SMUG1: variants seen among roughly 807,000 people sequenced by gnomAD.
SMUG1 encodes the protein single-strand selective monofunctional uracil DNA glycosylase.
SMUG1 carries 13 observed loss-of-function variants against 23.9 expected under a neutral mutation model. That is an observed-to-expected ratio of 0.54 (90% confidence interval 0.35 to 0.86). The LOEUF (loss-of-function observed/expected upper bound fraction) is 0.86, where lower values mean the gene tolerates loss of function less well. Ranked by LOEUF, SMUG1 falls within the 40% of genes least tolerant of loss-of-function variation. The pLI, the probability that SMUG1 is intolerant of heterozygous loss-of-function variation, is 0.01. For missense variants in SMUG1, 313 were observed against 339.5 expected (o/e 0.92, Z 0.61); for synonymous variants, 133 against 139.8 (o/e 0.95, Z 0.34).
intron 4 of SMUG1, among the ~76,000 whole-genome samples, chr12:54,158,971 T>C (rs1209567360): frequency 6.6e-6 from 1 of 152,174 alleles, no homozygotes; most frequent in East Asian, 1.9e-4. Context: ...GAAAGGTCAT[T>C]CATTTAATAT....
At chr12:54,170,889 A>T (rs117075628) in intron 3 of SMUG1, among the ~76,000 whole-genome samples, 3,036 of 148,438 alleles carry the variant, frequency 0.02, 50 homozygotes, top group Middle Eastern at 0.039. Flanking sequence ...GAGCCACTGC[A>T]CCTGGCCCCT....
At chr12:54,163,628 G>A (rs1488918148), downstream of SMUG1, among the ~76,000 whole-genome samples, 5 of 152,156 alleles carry the variant, frequency 3.3e-5, no homozygotes. Flanking sequence ...GTCTCACTGG[G>A]AGAGAAAGTG....
rs367747341 is a variant in SMUG1 at position 54,182,216 on chromosome 12, C to G, written c.693G>C (p.Glu231Asp). The change falls in exon 4 of 4, where the codon GAG (glutamate) becomes GAC (aspartate). Residue 231 changes from glutamate (E) to aspartate (D), a missense_variant. Glu to Asp is a conservative substitution (Grantham distance 45). Transcript: ENST00000682136. ...ARRALAGLMP[E>D]VQVEGLLHPS... ...GATGCAGGAGCCCTTCCACCTGGAC[C>G]TCTGGCATCAGGCCTGCCAGAGCCC... The G allele has an allele frequency of 1.2e-6, 2 of 1,612,156 alleles. No individual in the cohort carries two copies. Among genetic ancestry groups the G allele is most frequent in the African/African-American group, 2.7e-5 (2 of 74,870 alleles).
chr12:54,173,220 GCAGCGCAAGGGAGAGGCAGACACC>G (rs1303702630), intron 2 of SMUG1: 1 of 153,996 alleles, frequency 6.5e-6, no homozygotes, highest in African/African-American at 2.4e-5. Context: ...CCACAGACAG[GCAGCGCAAGGGAGAGGCAGACACC>G]CAGCGAGAGA....
At chr12:54,169,394 G>A (rs1185235453) in intron 3 of SMUG1, among the ~76,000 whole-genome samples, 2 of 152,090 alleles carry the variant, frequency 1.3e-5, no homozygotes, top group African/African-American at 4.8e-5. Flanking sequence ...ACTTGCATAT[G>A]AATGAGGGAT....
Position 54,181,742 on chromosome 12 carries a change from A to C in SMUG1, c.*354T>G, listed in dbSNP as rs919447990. The C allele has an allele frequency of 4.0e-6, 6 of 1,502,728 alleles. No individual in the cohort carries two copies. The highest frequency in any genetic ancestry group is 5.3e-6 in the Non-Finnish European group (6 of 1,129,076). 93.1% of individuals were successfully genotyped at this position (1,502,728 alleles called of 1,614,324 possible). ...CCTCTGAAATAGTAAACGTGACCTT[A>C]GAAGTTACTGTCTAGGGCACTCTCA... On this transcript the variant is annotated 3_prime_UTR_variant, in exon 4 of 4. Transcript: ENST00000682136.
intron 2 of SMUG1, chr12:54,187,189 T>C (rs1377735325): frequency 1.3e-5 from 2 of 152,184 alleles, no homozygotes; most frequent in East Asian, 3.9e-4. Flanking sequence ...ACAAGGACCA[T>C]TGTCATTCCT....
exon 4 of SMUG1, chr12:54,165,377 AT>A (rs1207980624): frequency 1.3e-5 from 2 of 152,352 alleles, no homozygotes; most frequent in East Asian, 3.9e-4. Flanking sequence ...GGCCTACCGT[AT>A]AAGACACAGA....
At chr12:54,188,292 AATAAATAATAATAAT>A (rs1196257551) in intron 1 of SMUG1, among the ~76,000 whole-genome samples, 852 of 31,616 alleles carry the variant, frequency 0.027, 4 homozygotes, top group African/African-American at 0.063. Context: ...TAATAATAAT[AATAAATAATAATAAT>A]AATAATAATA....
At chr12:54,176,874 A>G (rs887364180), downstream of SMUG1, among the ~76,000 whole-genome samples, 32 of 151,110 alleles carry the variant, frequency 2.1e-4, no homozygotes, top group Non-Finnish European at 3.7e-4. Context: ...CACCAACACA[A>G]TCTATCCCTC....
intron 3 of SMUG1, among the ~76,000 whole-genome samples, chr12:54,171,214 G>A (rs1592350330): frequency 6.7e-6 from 1 of 150,136 alleles, no homozygotes; most frequent in Admixed American, 6.6e-5. Flanking sequence ...TGGCCAGGAT[G>A]GTCTTGAACT....
chr12:54,171,278 G>A (rs1052652068), intron 3 of SMUG1, among the ~76,000 whole-genome samples: 1 of 151,770 alleles, frequency 6.6e-6, no homozygotes, highest in African/African-American at 2.4e-5. Context: ...GGGATTACAG[G>A]TGTGAGCCAC....
At position 54,182,589 on chromosome 12, in the gene SMUG1, C is replaced by G; in HGVS notation, c.320G>C (p.Trp107Ser). Residue 107 changes from tryptophan to serine, a missense_variant, in exon 4 of 4, where the codon TGG becomes TCG. Coordinates refer to ENST00000682136, the MANE Select transcript of SMUG1 (RefSeq NM_001243787.2). ...CAGCACAGGCCCCACAATGCCCAAC[C>G]AGTCCCGGACCATGCTTACTTCCCC... Reference protein sequence around the residue: ...PFGEVSMVRDWLGIVGPVLTP... With the variant: ...PFGEVSMVRDSLGIVGPVLTP... 1 of 1,612,690 alleles carries G rather than the reference C, an allele frequency of 6.2e-7. No individual in the cohort carries two copies. Among genetic ancestry groups the G allele is most frequent in the Non-Finnish European group, 8.5e-7 (1 of 1,179,140 alleles).
chr12:54,185,485 A>AAAATAAATAAAAAAT (rs1942171528), intron 2 of SMUG1, among the ~76,000 whole-genome samples: 1 of 85,184 alleles, frequency 1.2e-5, no homozygotes, highest in Non-Finnish European at 2.6e-5. Flanking sequence ...AATAAAATAA[A>AAAATAAATAAAAAAT]AAATAAATAA....
At chr12:54,184,867 T>G (rs1461162574) in intron 2 of SMUG1, among the ~76,000 whole-genome samples, 1 of 152,196 alleles carries the variant, frequency 6.6e-6, no homozygotes. Flanking sequence ...CACTTAATAA[T>G]GTTGACATAA....
downstream of SMUG1, among the ~76,000 whole-genome samples, chr12:54,164,243 G>T (rs567114659): frequency 6.6e-6 from 1 of 152,074 alleles, no homozygotes; most frequent in Admixed American, 6.5e-5. Flanking sequence ...GGCAGAGAAG[G>T]GGGGCACACG....
At chr12:54,176,923 G>T (rs1368135385), downstream of SMUG1, among the ~76,000 whole-genome samples, 1 of 151,868 alleles carries the variant, frequency 6.6e-6, no homozygotes, top group Non-Finnish European at 1.5e-5. Flanking sequence ...CACACCCTTG[G>T]TCTCCACCAA....
intron 3 of SMUG1, among the ~76,000 whole-genome samples, chr12:54,169,510 TAA>T (rs11289804): frequency 1.9e-3 from 261 of 140,440 alleles, no homozygotes; most frequent in African/African-American, 2.9e-3. Flanking sequence ...GGGTCAGGCT[TAA>T]AAAAAAAAAA....
chr12:54,164,822 C>T (rs1222171839), intron 4 of SMUG1: 2 of 152,240 alleles, frequency 1.3e-5, no homozygotes, highest in Non-Finnish European at 2.9e-5. Flanking sequence ...GCAGTGAAAA[C>T]ATGAGCATTT....
Sources: allele counts gnomAD v4.1 joint callset (sites outside exome capture counted in the v4.1 genomes callset), GRCh38; gene constraint gnomAD v4.1.1; transcripts MANE v1.5; gene names NCBI Gene and HGNC (gene_info 2026-07-23, HGNC 2026-07-21).